The following FAM200C variants were observed in gnomAD, a reference collection of about 807,000 sequenced individuals.
At chr5:160,398,519 C>A in the FAM200C span, among the ~76,000 whole-genome samples, 2 of 152,196 alleles carry the variant, frequency 1.3e-5, no homozygotes, top group Non-Finnish European at 2.9e-5. Context: ...GACTGGGTGA[C>A]GGAGTGAGAC....
chr5:160,394,816 GTC>G, the FAM200C span: 1 of 1,613,458 alleles, frequency 6.2e-7, no homozygotes, highest in East Asian at 2.2e-5. Context: ...TCAGAAAGAA[GTC>G]TCTGAAGAGA....
At chr5:160,398,380 T>C in the FAM200C span, among the ~76,000 whole-genome samples, 1 of 152,114 alleles carries the variant, frequency 6.6e-6, no homozygotes, top group African/African-American at 2.4e-5. Context: ...CGAAACCTCG[T>C]CTCTACTAAA....
chr5:160,399,262 G>A, the FAM200C span, among the ~76,000 whole-genome samples: 1 of 152,138 alleles, frequency 6.6e-6, no homozygotes, highest in Non-Finnish European at 1.5e-5. Context: ...GGGTAGATAT[G>A]AAAAAGTATT....
chr5:160,394,656 C>T, the FAM200C span: 5 of 1,613,838 alleles, frequency 3.1e-6, no homozygotes, highest in Non-Finnish European at 4.2e-6. Flanking sequence ...GTCTTTATGA[C>T]AAGTGCATGA....
At chr5:160,398,072 T>C in the FAM200C span, among the ~76,000 whole-genome samples, 546 of 152,260 alleles carry the variant, frequency 3.6e-3, 4 homozygotes, top group African/African-American at 0.012. Context: ...TGAAACTCTG[T>C]CTCTACTAAA....
At chr5:160,394,100 A>C in the FAM200C span, 1 of 1,613,468 alleles carries the variant, frequency 6.2e-7, no homozygotes, top group South Asian at 1.1e-5. Context: ...AAGATCTCCA[A>C]TGGAAAAATA....
At chr5:160,395,335 G>T in the FAM200C span, 1 of 1,614,170 alleles carries the variant, frequency 6.2e-7, no homozygotes, top group Non-Finnish European at 8.5e-7. Flanking sequence ...CATGCTGTCT[G>T]TTAAAATGGT....
the FAM200C span, chr5:160,393,783 C>T: frequency 2.5e-6 from 4 of 1,578,766 alleles, no homozygotes; most frequent in Non-Finnish European, 3.4e-6. Flanking sequence ...GAAATAGCCA[C>T]ACGGATATCA....
the FAM200C span, among the ~76,000 whole-genome samples, chr5:160,399,344 T>A: frequency 2.0e-5 from 3 of 152,222 alleles, no homozygotes; most frequent in Admixed American, 6.5e-5. Context: ...TATATATATA[T>A]TCCAGCAGTG....
At chr5:160,397,374 A>C in the FAM200C span, 8 of 152,258 alleles carry the variant, frequency 5.3e-5, no homozygotes, top group Admixed American at 1.3e-4. Flanking sequence ...AATGAAAGCC[A>C]TATCTTTTCT....
At chr5:160,395,386 T>C in the FAM200C span, 6 of 1,614,180 alleles carry the variant, frequency 3.7e-6, no homozygotes, top group Non-Finnish European at 5.1e-6. Flanking sequence ...TTGAAAATAC[T>C]GAGTTACACA....
chr5:160,394,101 T>C, the FAM200C span: 1 of 1,613,472 alleles, frequency 6.2e-7, no homozygotes, highest in Non-Finnish European at 8.5e-7. Context: ...AGATCTCCAA[T>C]GGAAAAATAT....
the FAM200C span, chr5:160,399,904 AGCCTAG>A: frequency 6.6e-6 from 1 of 152,266 alleles, no homozygotes; most frequent in Non-Finnish European, 1.5e-5. Flanking sequence ...CTCTCCGCTC[AGCCTAG>A]GGCCCAGCCT....
chr5:160,397,048 T>A, the FAM200C span, among the ~76,000 whole-genome samples: 1 of 152,222 alleles, frequency 6.6e-6, no homozygotes, highest in African/African-American at 2.4e-5. Flanking sequence ...CAGTGATCTG[T>A]GACAAGAGAC....
chr5:160,395,521 G>T, the FAM200C span: 1 of 1,573,650 alleles, frequency 6.4e-7, no homozygotes, highest in South Asian at 1.1e-5. Context: ...TAGTATTCCA[G>T]AGATGCCACA....
chr5:160,398,896 G>T, the FAM200C span, among the ~76,000 whole-genome samples: 576 of 152,144 alleles, frequency 3.8e-3, 3 homozygotes, highest in Non-Finnish European at 5.7e-3. Flanking sequence ...TTGTGGTTGT[G>T]TTTTTAAAAA....
At chr5:160,393,932 T>C in the FAM200C span, 2 of 1,614,038 alleles carry the variant, frequency 1.2e-6, no homozygotes, top group Non-Finnish European at 1.7e-6. Context: ...TGCTGTGAAT[T>C]GGGCACACCA....
the FAM200C span, chr5:160,395,687 T>G: frequency 5.0e-6 from 3 of 602,006 alleles, no homozygotes; most frequent in African/African-American, 1.9e-5. Context: ...TAGTTCAACT[T>G]AAAGCTAGCA....
At chr5:160,399,984 G>C in the FAM200C span, 1 of 152,316 alleles carries the variant, frequency 6.6e-6, no homozygotes, top group Non-Finnish European at 1.5e-5. Flanking sequence ...GGAATCTGCG[G>C]TGCGCCTGGA....
Sources: gnomAD v4.1 joint callset for allele counts (sites outside exome capture counted in the v4.1 genomes callset) on GRCh38, gnomAD v4.1.1 for gene constraint, MANE v1.5 for transcripts.